SDK1: variants seen among roughly 807,000 people sequenced by gnomAD.
SDK1 encodes sidekick cell adhesion molecule 1, also known as protein sidekick-1.
SDK1 carries 157 observed loss-of-function variants against 245.5 expected under a neutral mutation model. The ratio of observed to expected loss-of-function variants is 0.64; its 90% CI spans 0.56 to 0.73. SDK1 has a LOEUF of 0.73. Among genes scored for constraint, SDK1 ranks in the 30% least tolerant of loss-of-function variants. The pLI is 0.00. For missense variants in SDK1, 3,583 were observed against 3,002.3 expected (o/e 1.19, Z -4.52); for synonymous variants, 1,647 against 1,278.5 (o/e 1.29, Z -6.15).
intron 1 of SDK1, among the ~76,000 whole-genome samples, chr7:3,442,509 G>C (rs1178791848): frequency 6.6e-6 from 1 of 152,194 alleles, no homozygotes; most frequent in Admixed American, 6.5e-5. Context: ...CTTTTAAGTG[G>C]AGAATATACA....
chr7:3,483,945 G>C lies in SDK1; in HGVS notation c.299-135135G>C, dbSNP rs952508479. Among the ~76,000 whole-genome samples the C allele has an allele frequency of 4.0e-4, 61 of 152,110 alleles. 1 individual carries two copies. The highest frequency in any genetic ancestry group is 8.5e-4 in the Non-Finnish European group (58 of 68,026). On this transcript the variant is annotated intron_variant, in intron 1 of 44. Transcript: ENST00000404826. Reference sequence around the variant, plus strand: ...TTTAGTTTTTAACTAATACATAATAGTTGGACATATTTATGGGGTACATGT... The same window carrying C: ...TTTAGTTTTTAACTAATACATAATACTTGGACATATTTATGGGGTACATGT...
At chr7:4,130,298 T>TA in intron 27 of SDK1, 1 of 608,692 alleles carries the variant, frequency 1.6e-6, no homozygotes, top group South Asian at 2.1e-5. Flanking sequence ...TTTTACAGCC[T>TA]AATTATGAAC....
At chr7:3,787,869 C>T (rs1252186426) in intron 4 of SDK1, among the ~76,000 whole-genome samples, 2 of 152,192 alleles carry the variant, frequency 1.3e-5, no homozygotes, top group African/African-American at 4.8e-5. Context: ...TGGGGCCCTT[C>T]TACCTCAGGA....
chr7:3,979,454 T>C (rs951379706), intron 13 of SDK1, among the ~76,000 whole-genome samples: 29 of 152,176 alleles, frequency 1.9e-4, no homozygotes, highest in African/African-American at 6.8e-4. Context: ...GTCTGTTTGC[T>C]GTTGAGCCCT....
intron 40 of SDK1, among the ~76,000 whole-genome samples, chr7:4,228,862 C>G (rs114425711): frequency 1.7e-3 from 264 of 152,274 alleles, no homozygotes; most frequent in African/African-American, 6.1e-3. Context: ...AACGGCAACA[C>G]AGCTCGTTCA....
At chr7:3,991,654 G>A (rs376473204) in intron 14 of SDK1, among the ~76,000 whole-genome samples, 4 of 152,298 alleles carry the variant, frequency 2.6e-5, no homozygotes, top group East Asian at 1.9e-4. Flanking sequence ...GCTGGCCGAC[G>A]TTCCCAGCTG....
chr7:3,990,281 C>T (rs1784195559), intron 14 of SDK1, among the ~76,000 whole-genome samples: 1 of 152,230 alleles, frequency 6.6e-6, no homozygotes, highest in South Asian at 2.1e-4. Flanking sequence ...CCTTCTCCCC[C>T]TTGCAGGGGC....
At position 3,857,028 on chromosome 7, in the gene SDK1, C is replaced by T. The variant is rs542999218; in HGVS notation, c.847+35445C>T. On this transcript the variant is annotated intron_variant, in intron 5 of 44. Coordinates refer to ENST00000404826, the MANE Select transcript of SDK1 (RefSeq NM_152744.4). ...TATACCATAACCAAGTAGATTGAAT[C>T]CCCGAAAATGTAAGGATGGTTCAGA... Among the ~76,000 whole-genome samples, 8 of 152,084 alleles carry T rather than the reference C, an allele frequency of 5.3e-5. 2 individuals are homozygous for T. Among genetic ancestry groups the T allele is most frequent in the African/African-American group, 1.9e-4 (8 of 41,514 alleles).
intron 1 of SDK1, among the ~76,000 whole-genome samples, chr7:3,326,583 G>A (rs757423489): frequency 3.9e-5 from 6 of 152,096 alleles, no homozygotes; most frequent in Non-Finnish European, 8.8e-5. Flanking sequence ...GCTGCCCTTT[G>A]GAAAGGTAGT....
chr7:3,353,666 GGAT>G (rs1157061848), intron 1 of SDK1, among the ~76,000 whole-genome samples: 2 of 152,134 alleles, frequency 1.3e-5, no homozygotes, highest in Non-Finnish European at 2.9e-5. Context: ...CTATTACAAG[GGAT>G]GATATTTCCC....
chr7:3,941,114 A>G (rs1780352208), intron 5 of SDK1, among the ~76,000 whole-genome samples: 1 of 151,988 alleles, frequency 6.6e-6, no homozygotes, highest in South Asian at 2.1e-4. Context: ...CCACCCACCA[A>G]GCAGCTCAAG....
chr7:3,788,257 A>C (rs1460827067), intron 4 of SDK1, among the ~76,000 whole-genome samples: 1 of 152,140 alleles, frequency 6.6e-6, no homozygotes, highest in Non-Finnish European at 1.5e-5. Flanking sequence ...CTTCATACGC[A>C]CGCTTGTCAG....
intron 5 of SDK1, among the ~76,000 whole-genome samples, chr7:3,844,787 G>A (rs557416069): frequency 1.5e-4 from 23 of 152,264 alleles, no homozygotes; most frequent in African/African-American, 4.8e-4. Flanking sequence ...TGAGCCTCTC[G>A]TGCTGCTGAT....
At chr7:3,943,203 CTG>C (rs959815639) in intron 5 of SDK1, among the ~76,000 whole-genome samples, 2 of 152,114 alleles carry the variant, frequency 1.3e-5, no homozygotes, top group African/African-American at 4.8e-5. Flanking sequence ...AAATAGAAGG[CTG>C]TGTTTTTTAA....
Position 3,969,309 on chromosome 7 carries a change from T to C in SDK1, c.1599T>C (p.Leu533=). 6.2e-7 allele frequency: 1 copy of C among 1,611,186 alleles called. No homozygotes were observed. The stretch of plus-strand genomic sequence containing the variant: ...TCCGGATTCCTAGGTTCATGCTTCT[T>C]GAATCGGGGGGTCTACAGATCGCGC... ...GSVRIPRFML[L]ESGGLQIAPV... The change falls in exon 11 of 45, where the codon CTT becomes CTC. Residue 533 remains leucine, a synonymous_variant. Transcript: ENST00000404826.
chr7:4,108,037 C>T (rs758013654), intron 22 of SDK1, among the ~76,000 whole-genome samples: 7 of 152,140 alleles, frequency 4.6e-5, no homozygotes, highest in African/African-American at 4.8e-5. Flanking sequence ...TCGCACGGCT[C>T]CTCTCCACTA....
chr7:3,382,382 G>C (rs1044664735), intron 1 of SDK1, among the ~76,000 whole-genome samples: 1 of 152,180 alleles, frequency 6.6e-6, no homozygotes, highest in African/African-American at 2.4e-5. Flanking sequence ...TCTGACTCCA[G>C]AGTGGTGGTG....
At chr7:4,215,792 A>G (rs1024010930) in intron 38 of SDK1, among the ~76,000 whole-genome samples, 2 of 152,110 alleles carry the variant, frequency 1.3e-5, no homozygotes, top group African/African-American at 4.8e-5. Context: ...GTTCTTAGAC[A>G]ATAGTCAGAG....
chr7:3,540,641 A>G (rs1009584840), intron 1 of SDK1, among the ~76,000 whole-genome samples: 3 of 152,220 alleles, frequency 2.0e-5, no homozygotes, highest in Non-Finnish European at 2.9e-5. Context: ...GAATGCAGGG[A>G]GAATGCACAT....
Sources: allele counts gnomAD v4.1 joint callset (sites outside exome capture counted in the v4.1 genomes callset), GRCh38; gene constraint gnomAD v4.1.1; transcripts MANE v1.5; gene names NCBI Gene and HGNC (gene_info 2026-07-23, HGNC 2026-07-21).